The following OGDH variants were observed in gnomAD, a reference collection of about 807,000 sequenced individuals.
The protein encoded by OGDH is 2-oxoglutarate dehydrogenase complex component E1.
Under a neutral mutation model 116.6 loss-of-function variants are expected in OGDH, and 38 were observed. That is an observed-to-expected ratio of 0.33 (90% CI 0.25 to 0.43). The LOEUF (loss-of-function observed/expected upper bound fraction) is 0.43. Ranked by LOEUF, OGDH falls within the 20% of genes least tolerant of loss-of-function variation. The probability of loss-of-function intolerance (pLI) is 1.00; values close to 1 mark genes in which losing one functional copy is unlikely to be tolerated. For missense variants in OGDH, 825 were observed against 1,357.2 expected (o/e 0.61, Z 6.16); for synonymous variants, 488 against 533.3 (o/e 0.92, Z 1.17).
chr7:44,617,733 G>T (rs1319095586), intron 1 of OGDH, among the ~76,000 whole-genome samples: 1 of 152,182 alleles, frequency 6.6e-6, no homozygotes, highest in East Asian at 1.9e-4. Flanking sequence ...AAAAAAGAAA[G>T]TGGATGAGTT....
intron 9 of OGDH, among the ~76,000 whole-genome samples, chr7:44,677,553 A>G (rs1787752365): frequency 6.6e-6 from 1 of 152,122 alleles, no homozygotes; most frequent in Non-Finnish European, 1.5e-5. Flanking sequence ...TGCCCTGGAA[A>G]GAAGTCAGGT....
intron 5 of OGDH, among the ~76,000 whole-genome samples, chr7:44,669,602 C>CTATCTGAA: frequency 1.3e-5 from 2 of 152,268 alleles, no homozygotes; most frequent in Middle Eastern, 6.8e-3. Flanking sequence ...GGCTAACTTC[C>CTATCTGAA]TATCTGAATC....
Position 44,694,577 on chromosome 7 carries a change from G to A in OGDH, c.1668+1G>A. On this transcript the variant is annotated splice_donor_variant, in intron 12 of 22. Coordinates refer to ENST00000222673, the MANE Select transcript of OGDH (RefSeq NM_002541.4). LOFTEE classifies it high-confidence loss of function. The surrounding 1 kb of genome is among the most constrained non-coding windows in gnomAD (Gnocchi z 4.2). The stretch of plus-strand genomic sequence containing the variant: ...TGTGGTCAACCAGCCTGAGTATGAG[G>A]TACGTCCCTGCGGCTCTATCCCAGT... The A allele has an allele frequency of 6.2e-7, 1 of 1,614,002 alleles. No individual in the cohort carries two copies. The highest frequency in any genetic ancestry group is 1.6e-4 in the Middle Eastern group (1 of 6,062).
At chr7:44,670,705 G>T (rs913223675) in intron 5 of OGDH, among the ~76,000 whole-genome samples, 1 of 152,180 alleles carries the variant, frequency 6.6e-6, no homozygotes, top group African/African-American at 2.4e-5. Context: ...TATCTTAGAT[G>T]TGATTAGAAA....
intron 1 of OGDH, among the ~76,000 whole-genome samples, chr7:44,619,227 T>C (rs1326266731): frequency 6.6e-6 from 1 of 152,176 alleles, no homozygotes. Flanking sequence ...CTGAAATTTA[T>C]TGAACCAAAG....
chr7:44,635,245 A>T (rs1338014583), intron 2 of OGDH, among the ~76,000 whole-genome samples: 2 of 152,174 alleles, frequency 1.3e-5, no homozygotes, highest in African/African-American at 4.8e-5. Flanking sequence ...CTGAAAGAAG[A>T]GCCATACGCC....
intron 2 of OGDH, among the ~76,000 whole-genome samples, chr7:44,632,410 C>G (rs986345196): frequency 1.6e-4 from 25 of 152,222 alleles, no homozygotes; most frequent in African/African-American, 6.0e-4. Flanking sequence ...CCGCCACTCC[C>G]CCACGCCTCA....
rs1300558813 is a variant in OGDH at position 44,697,257 on chromosome 7, G to C, written c.2052-113G>C. 2 of 1,512,176 alleles carry C rather than the reference G, an allele frequency of 1.3e-6. No homozygotes were observed. Among genetic ancestry groups the C allele is most frequent in the Admixed American group, 1.8e-5 (1 of 55,162 alleles). 93.7% of individuals were successfully genotyped at this position (1,512,176 alleles called of 1,614,324 possible). On this transcript the variant is annotated intron_variant, in intron 15 of 22. Coordinates refer to ENST00000222673, the MANE Select transcript of OGDH (RefSeq NM_002541.4). The surrounding 1 kb of genome is among the most constrained non-coding windows in gnomAD (Gnocchi z 6.0). ...GTGGGGCCGACCCTGCAGCTGCCTG[G>C]CCAGAAGTCCAGGTCACAGAGCATG...
chr7:44,669,657 G>A (rs1787346794), intron 5 of OGDH, among the ~76,000 whole-genome samples: 1 of 152,128 alleles, frequency 6.6e-6, no homozygotes, highest in Admixed American at 6.5e-5. Flanking sequence ...AGGGGGTGGA[G>A]GGCCTGAAGC....
chr7:44,693,510 A>C (rs779719962), intron 10 of OGDH, among the ~76,000 whole-genome samples: 1 of 152,212 alleles, frequency 6.6e-6, no homozygotes, highest in African/African-American at 2.4e-5. Context: ...ATTTATTTAC[A>C]TATATATGCA....
intron 5 of OGDH, among the ~76,000 whole-genome samples, chr7:44,673,384 C>T (rs190718009): frequency 1.3e-5 from 2 of 152,350 alleles, no homozygotes; most frequent in East Asian, 3.9e-4. Flanking sequence ...GCCTATGACA[C>T]CCTATGGGCA....
In OGDH at chr7:44,676,154, G is replaced by A. The variant is rs1243665564; in HGVS notation, c.1206+5G>A. On this transcript the variant is annotated splice_donor_5th_base_variant and intron_variant, in intron 9 of 22. Transcript: ENST00000222673. ...GGCGACACTGAAGGGAAAAAGGTAA[G>A]GCCCAGAGAGAGGCGTGCAAGGCAG... The A allele has an allele frequency of 1.2e-6, 2 of 1,614,062 alleles. No individual in the cohort carries two copies. The highest frequency in any genetic ancestry group is 1.7e-6 in the Non-Finnish European group (2 of 1,180,054).
In OGDH at chr7:44,697,827, G is replaced by A. The variant is rs1262059178; in HGVS notation, c.2358+45G>A. ...CTGCCAGACCTAGGACTTGGGAAGG[G>A]CCTGTGTAGGACCCTGACCCCAAAG... On this transcript the variant is annotated intron_variant, in intron 17 of 22. Transcript: ENST00000222673. This position sits in a 1 kb window ranked among gnomAD's most constrained non-coding sequence, Gnocchi z 6.0. 1 of 1,586,100 alleles carries A rather than the reference G, an allele frequency of 6.3e-7. No individual in the cohort carries two copies. The highest frequency in any genetic ancestry group is 8.6e-7 in the Non-Finnish European group (1 of 1,167,142).
intron 10 of OGDH, among the ~76,000 whole-genome samples, chr7:44,683,453 ACTC>A (rs1005650684): frequency 1.3e-4 from 19 of 151,740 alleles, no homozygotes; most frequent in African/African-American, 4.6e-4. Flanking sequence ...CTGCTCTTGA[ACTC>A]CTGGCTTCAA....
chr7:44,684,721 T>G (rs1788060011), intron 10 of OGDH, among the ~76,000 whole-genome samples: 1 of 152,034 alleles, frequency 6.6e-6, no homozygotes, highest in Non-Finnish European at 1.5e-5. Flanking sequence ...TTAGAAAACC[T>G]GAAAAGTTCC....
At chr7:44,640,606 A>G (rs1260100550) in intron 2 of OGDH, among the ~76,000 whole-genome samples, 1 of 152,142 alleles carries the variant, frequency 6.6e-6, no homozygotes, top group East Asian at 1.9e-4. Context: ...GAGACTCTTG[A>G]TCTAAGGTCT....
At chr7:44,682,422 G>T (rs2116238928) in intron 10 of OGDH, among the ~76,000 whole-genome samples, 1 of 152,062 alleles carries the variant, frequency 6.6e-6, no homozygotes, top group Non-Finnish European at 1.5e-5. Flanking sequence ...TTAGCACCGG[G>T]CATGGTGGCC....
In OGDH at chr7:44,681,723, A is replaced by G; in HGVS notation, c.1210A>G (p.Met404Val). Residue 404 changes from methionine (M) to valine (V), a missense_variant, in exon 10 of 23, where the codon ATG (methionine) becomes GTG (valine). Met to Val is a conservative substitution (Grantham distance 21). Around this residue, in one of 7 missense-constraint regions of OGDH, gnomAD observed 146 missense variants for 317.3 expected, o/e 0.46. Coordinates refer to ENST00000222673, the MANE Select transcript of OGDH (RefSeq NM_002541.4). ...GGGTCTCCTTTGGTGTTTACAGGTC[A>G]TGTCCATCCTGTTGCATGGGGATGC... The part of the protein sequence containing the change: ...YCGDTEGKKV[M>V]SILLHGDAAF... 6.2e-7 allele frequency: 1 copy of G among 1,614,004 alleles called. No individual in the cohort carries two copies. The highest frequency in any genetic ancestry group is 8.5e-7 in the Non-Finnish European group (1 of 1,179,950).
At chr7:44,667,489 C>T (rs1378162866) in intron 5 of OGDH, among the ~76,000 whole-genome samples, 2 of 152,204 alleles carry the variant, frequency 1.3e-5, no homozygotes, top group East Asian at 1.9e-4. Context: ...CTTCTTTCCT[C>T]TCTCCCTCTG....
Sources: gnomAD v4.1 joint callset for allele counts (sites outside exome capture counted in the v4.1 genomes callset) on GRCh38, gnomAD v4.1.1 for gene constraint, gnomAD v4.1.1 regional missense constraint, Gnocchi (gnomAD v3.1) non-coding constraint, MANE v1.5 for transcripts, NCBI Gene and HGNC (gene_info 2026-07-23, HGNC 2026-07-21) for gene names.